BRCA1: variants seen among roughly 807,000 people sequenced by gnomAD.
BRCA1 encodes the protein breast cancer type 1 susceptibility protein.
In BRCA1, 140 loss-of-function variants were observed where a neutral mutation model predicts 173.7. The observed-to-expected ratio is 0.81, with a 90% CI of 0.70 to 0.93. The LOEUF (loss-of-function observed/expected upper bound fraction) is 0.93. Among genes scored for constraint, BRCA1 ranks in the 40% least tolerant of loss-of-function variants. BRCA1 has a pLI of 0.00. For synonymous variants in BRCA1, 662 were observed against 756.0 expected (o/e 0.88, Z 2.04); for missense variants, 1,983 against 2,172.5 (o/e 0.91, Z 1.73).
intron 3 of BRCA1, among the ~76,000 whole-genome samples, chr17:43,107,039 C>G (rs1384255771): frequency 6.7e-6 from 1 of 148,718 alleles, no homozygotes; most frequent in Non-Finnish European, 1.5e-5. Context: ...AAGCGATTTT[C>G]AACAATAATA....
intron 14 of BRCA1, among the ~76,000 whole-genome samples, chr17:43,073,030 C>G (rs2052525519): frequency 6.6e-6 from 1 of 151,302 alleles, no homozygotes; most frequent in Admixed American, 6.6e-5. Flanking sequence ...CTTATTTTAT[C>G]TTTTAAGAGG....
intron 22 of BRCA1, 69 bp from the exon 23 acceptor site, chr17:43,045,871 A>G (rs901576003): frequency 1.6e-5 from 26 of 1,600,318 alleles, no homozygotes; most frequent in Non-Finnish European, 2.1e-5. Flanking sequence ...TAATCAATCG[A>G]CTCCAGGGTC....
At chr17:43,156,485 C>T (rs938772300) in intron 1 of BRCA1, among the ~76,000 whole-genome samples, 1 of 152,250 alleles carries the variant, frequency 6.6e-6, no homozygotes, top group African/African-American at 2.4e-5. Flanking sequence ...CTGCCAGTCT[C>T]CTTGGGCTAT....
In BRCA1 at chr17:43,079,788, T is replaced by TA. The variant is rs56914599; in HGVS notation, c.4357+2615dup. ...TATGAATTCATGGCATAATAGGTGT[T>TA]AAAAAAAAAAAAAAAAGACCTTTGG... On this transcript the variant is annotated intron_variant, in intron 12 of 22. Transcript: ENST00000357654. 18,733 of 711,614 alleles carry TA rather than the reference T, an allele frequency of 0.026. 380 individuals carry two copies. The highest frequency in any genetic ancestry group is 0.13 in the African/African-American group (6,263 of 49,816). 44.1% of individuals were successfully genotyped at this position (711,614 alleles called of 1,614,324 possible). A position where few individuals can be genotyped will look rare whatever the true frequency, so the allele number is the denominator to read the frequency against.
At chr17:43,154,047 C>T (rs1182770738) in intron 1 of BRCA1, among the ~76,000 whole-genome samples, 3 of 151,770 alleles carry the variant, frequency 2.0e-5, no homozygotes, top group South Asian at 2.1e-4. Flanking sequence ...ATTAGCCAGG[C>T]GTGGTGTCCC....
In BRCA1 at chr17:43,094,811, T is replaced by A; in HGVS notation, c.720A>T (p.Gln240His). ...TGGTGTTCAAATCATTATTACTGGGTTGATGATGTTCAGTATTTGTTACAT... is the reference window on the plus strand; with the variant it reads ...TGGTGTTCAAATCATTATTACTGGGATGATGATGTTCAGTATTTGTTACAT... The part of the protein sequence containing the change: ...ETDVTNTEHH[Q>H]PSNNDLNTTE... Residue 240 changes from glutamine to histidine, a missense_variant, in exon 10 of 23, where the codon CAA (glutamine) becomes CAT (histidine). By Grantham distance (24) the Gln-to-His change is conservative (BLOSUM62 0). Coordinates refer to ENST00000357654, the MANE Select transcript of BRCA1 (RefSeq NM_007294.4). 6.2e-7 allele frequency: 1 copy of A among 1,613,806 alleles called. No homozygotes were observed. The highest frequency in any genetic ancestry group is 8.5e-7 in the Non-Finnish European group (1 of 1,179,912).
chr17:43,144,855 G>A, intron 1 of BRCA1: 1 of 504,008 alleles, frequency 2.0e-6, no homozygotes. Context: ...AGCAGCTCCG[G>A]TGGCGGGAGG....
chr17:43,141,998 G>A (rs995070987), intron 1 of BRCA1, among the ~76,000 whole-genome samples: 16 of 151,784 alleles, frequency 1.1e-4, no homozygotes, highest in African/African-American at 3.6e-4. Context: ...TGCAACCTCC[G>A]TCTCCTGGGT....
chr17:43,118,270 A>G (rs1359926822), intron 2 of BRCA1, among the ~76,000 whole-genome samples: 1 of 152,234 alleles, frequency 6.6e-6, no homozygotes, highest in Non-Finnish European at 1.5e-5. Flanking sequence ...CTAAAATGTA[A>G]TAATCCAGGA....
chr17:43,169,052 A>G (rs534347985), intron 1 of BRCA1, among the ~76,000 whole-genome samples: 37 of 152,244 alleles, frequency 2.4e-4, no homozygotes, highest in South Asian at 1.7e-3. Flanking sequence ...CTTTCTCAAT[A>G]GCACAAATGG....
In BRCA1 at chr17:43,091,992, C is replaced by T. The variant is rs1064793057; in HGVS notation, c.3539G>A (p.Ser1180Asn). 6.2e-7 allele frequency: 1 copy of T among 1,614,106 alleles called. No individual in the cohort carries two copies. The highest frequency in any genetic ancestry group is 8.5e-7 in the Non-Finnish European group (1 of 1,180,022). Residue 1180 changes from serine (S) to asparagine (N), a missense_variant, in exon 10 of 23, where the codon AGC (serine) becomes AAC (asparagine). Coordinates refer to ENST00000357654, the MANE Select transcript of BRCA1 (RefSeq NM_007294.4). ...IKESSAVFSK[S>N]VQKGELSRSP... Reference sequence around the variant, plus strand: ...CCTGCTAAGCTCTCCTTTCTGGACGCTTTTGCTAAAAACAGCAGAACTTTC... The same window carrying T: ...CCTGCTAAGCTCTCCTTTCTGGACGTTTTTGCTAAAAACAGCAGAACTTTC...
chr17:43,080,427 C>G (rs2154121279), intron 12 of BRCA1, among the ~76,000 whole-genome samples: 1 of 152,256 alleles, frequency 6.6e-6, no homozygotes, highest in African/African-American at 2.4e-5. Flanking sequence ...GAGCTCCCGA[C>G]CTCAGGTGAT....
chr17:43,119,766 C>T (rs2055464899), intron 2 of BRCA1, among the ~76,000 whole-genome samples: 1 of 152,144 alleles, frequency 6.6e-6, no homozygotes, highest in South Asian at 2.1e-4. Context: ...AAATTGGATT[C>T]AGTTATCATA....
chr17:43,128,866 C>T (rs2055940146), upstream of BRCA1, among the ~76,000 whole-genome samples: 2 of 151,506 alleles, frequency 1.3e-5, no homozygotes, highest in Admixed American at 1.3e-4. Context: ...AAGACCAGCC[C>T]AGGCTGGTCT....
intron 1 of BRCA1, among the ~76,000 whole-genome samples, chr17:43,143,030 G>A (rs1309121453): frequency 6.7e-6 from 1 of 149,334 alleles, no homozygotes; most frequent in Non-Finnish European, 1.5e-5. Flanking sequence ...ATGTATATAT[G>A]TGTGTATATA....
chr17:43,130,797 C>A (rs2154581303), intron 1 of BRCA1, among the ~76,000 whole-genome samples: 1 of 152,256 alleles, frequency 6.6e-6, no homozygotes, highest in South Asian at 2.1e-4. Context: ...TAGTAATGGG[C>A]CAGAGCTGTG....
intron 3 of BRCA1, among the ~76,000 whole-genome samples, chr17:43,109,038 A>C (rs2054922239): frequency 1.1e-5 from 1 of 87,216 alleles, no homozygotes; most frequent in South Asian, 5.3e-4. Context: ...CTATATCTAT[A>C]TCTCTATCTA....
rs766039832 is a variant in BRCA1, at chr17:43,164,539, G to A, written c.-20+5587C>T. 9 of 152,232 alleles carry A rather than the reference G, an allele frequency of 5.9e-5. No homozygotes were observed. The South Asian group carries it at 6.2e-4, about 11-fold the overall frequency. 9.4% of individuals were successfully genotyped at this position (152,232 alleles called of 1,614,324 possible). A position where few individuals can be genotyped will look rare whatever the true frequency, so the allele number is the denominator to read the frequency against. ...ATAACTAGATGGTCAGCAATAGCAC[G>A]AGGAAAGAAAGAAGAGTAATAGAAT... On this transcript the variant is annotated intron_variant, in intron 1 of 7. Coordinates refer to the BRCA1 transcript ENST00000634433.
intron 11 of BRCA1, among the ~76,000 whole-genome samples, chr17:43,090,459 C>T (rs1275913348): frequency 2.0e-5 from 3 of 152,164 alleles, no homozygotes; most frequent in Non-Finnish European, 2.9e-5. Flanking sequence ...GTGCAACCTC[C>T]GCCTCCCAGG....
Sources: gnomAD v4.1 joint callset for allele counts (sites outside exome capture counted in the v4.1 genomes callset) on GRCh38, gnomAD v4.1.1 for gene constraint, MANE v1.5 for transcripts, NCBI Gene and HGNC (gene_info 2026-07-23, HGNC 2026-07-21) for gene names.